The following TRAK2 variants were observed in gnomAD, a reference collection of about 807,000 sequenced individuals.
TRAK2 encodes trafficking kinesin protein 2.
TRAK2 carries 81 observed loss-of-function variants against 104.6 expected under a neutral mutation model. That is an observed-to-expected ratio of 0.77 (90% CI 0.65 to 0.93). The LOEUF (loss-of-function observed/expected upper bound fraction) is 0.93, where lower values mean the gene tolerates loss of function less well. Among genes scored for constraint, TRAK2 ranks in the 40% least tolerant of loss-of-function variants. TRAK2 has a pLI of 0.00. For synonymous variants in TRAK2, 406 were observed against 394.4 expected, an observed-to-expected ratio of 1.03 and a Z score of -0.35; for missense variants, 1,002 against 1,089.0, an observed-to-expected ratio of 0.92 and a Z score of 1.12.
intron 1 of TRAK2, among the ~76,000 whole-genome samples, chr2:201,421,919 G>A (rs968509904): frequency 1.3e-5 from 2 of 151,826 alleles, no homozygotes; most frequent in East Asian, 1.9e-4. Context: ...TGTGGTGGCA[G>A]GTGCCTGTAA....
At chr2:201,413,507 C>T (rs2125651941) in intron 2 of TRAK2, among the ~76,000 whole-genome samples, 1 of 152,142 alleles carries the variant, frequency 6.6e-6, no homozygotes, top group East Asian at 1.9e-4. Context: ...ACTGAAAGAC[C>T]TATTGTCAGC....
At chr2:201,416,472 T>C (rs979204544) in intron 2 of TRAK2, among the ~76,000 whole-genome samples, 24 of 152,018 alleles carry the variant, frequency 1.6e-4, no homozygotes, top group Admixed American at 1.4e-3. Flanking sequence ...AGCTAACCCA[T>C]ATCCCAGGAA....
chr2:201,414,913 A>C (rs1022106407), intron 2 of TRAK2, among the ~76,000 whole-genome samples: 3 of 42,926 alleles, frequency 7.0e-5, no homozygotes, highest in Admixed American at 4.7e-4. Flanking sequence ...CTAGACTAGA[A>C]TAATTCCCTA....
At chr2:201,409,862 C>T (rs1478492984) in intron 2 of TRAK2, among the ~76,000 whole-genome samples, 1 of 152,180 alleles carries the variant, frequency 6.6e-6, no homozygotes, top group Non-Finnish European at 1.5e-5. Flanking sequence ...AATAGATGAG[C>T]TTGCAATGAC....
At chr2:201,433,301 C>G (rs776855446) in intron 1 of TRAK2, among the ~76,000 whole-genome samples, 5 of 152,224 alleles carry the variant, frequency 3.3e-5, no homozygotes, top group Non-Finnish European at 4.4e-5. Context: ...GAAAGCTACA[C>G]TGGCTACATT....
chr2:201,415,889 AC>A (rs545390875), intron 2 of TRAK2, among the ~76,000 whole-genome samples: 122 of 152,262 alleles, frequency 8.0e-4, no homozygotes, highest in African/African-American at 2.8e-3. Context: ...TACAAAGAAA[AC>A]CACATCAAAG....
intron 1 of TRAK2, among the ~76,000 whole-genome samples, chr2:201,426,225 C>T (rs189913150): frequency 2.8e-3 from 432 of 152,206 alleles, no homozygotes; most frequent in Middle Eastern, 0.01. Flanking sequence ...GTCAGATCAG[C>T]GGCAGCATTA....
chr2:201,435,301 G>C (rs1490460363), intron 1 of TRAK2, among the ~76,000 whole-genome samples: 1 of 152,150 alleles, frequency 6.6e-6, no homozygotes, highest in Non-Finnish European at 1.5e-5. Context: ...CAAGTGATCT[G>C]CCTGCCTTGG....
chr2:201,439,736 A>G (rs1247609014), intron 1 of TRAK2, among the ~76,000 whole-genome samples: 1 of 151,772 alleles, frequency 6.6e-6, no homozygotes, highest in Non-Finnish European at 1.5e-5. Context: ...CATATACACC[A>G]TGGAATACTA....
Position 201,389,606 on chromosome 2 carries a change from G to T in TRAK2, c.1194-103C>A, listed in dbSNP as rs1450135377. 3.4e-6 allele frequency: 4 copies of T among 1,178,382 alleles called. No individual in the cohort carries two copies. The African/African-American group carries it at 4.6e-5, about 13-fold the overall frequency. 73.0% of individuals were successfully genotyped at this position (1,178,382 alleles called of 1,614,324 possible). A position where few individuals can be genotyped will look rare whatever the true frequency, so the allele number is the denominator to read the frequency against. On this transcript the variant is annotated intron_variant, in intron 11 of 15. Coordinates refer to ENST00000332624, the MANE Select transcript of TRAK2 (RefSeq NM_015049.3). The stretch of plus-strand genomic sequence containing the variant: ...ATCAGAAATAAAGCCACCCTGAGGA[G>T]CTATTTAGGAGAAATCATCAGAAAA...
At chr2:201,406,401 T>C (rs10931945) in intron 3 of TRAK2, among the ~76,000 whole-genome samples, 66,896 of 151,972 alleles carry the variant, frequency 0.44, 15,935 homozygotes, top group South Asian at 0.66. Flanking sequence ...ACTGGGCTTC[T>C]TGATATTTCA....
At chr2:201,392,148 A>G (rs1951453996) in intron 10 of TRAK2, among the ~76,000 whole-genome samples, 1 of 152,228 alleles carries the variant, frequency 6.6e-6, no homozygotes, top group African/African-American at 2.4e-5. Context: ...AAAGAGAAAG[A>G]GAGATTGAAT....
intron 1 of TRAK2, among the ~76,000 whole-genome samples, chr2:201,445,119 T>C (rs1480746875): frequency 6.6e-6 from 1 of 152,198 alleles, no homozygotes; most frequent in Non-Finnish European, 1.5e-5. Flanking sequence ...CCAGCAGACT[T>C]TGTACGCTCA....
chr2:201,445,479 G>A (rs2125664476), intron 1 of TRAK2, among the ~76,000 whole-genome samples: 1 of 152,316 alleles, frequency 6.6e-6, no homozygotes, highest in South Asian at 2.1e-4. Context: ...AATATCCAAT[G>A]AGCTAAGAAA....
At chr2:201,411,333 T>C (rs1951645038) in intron 2 of TRAK2, 1 of 755,604 alleles carries the variant, frequency 1.3e-6, no homozygotes, top group South Asian at 1.3e-5. Flanking sequence ...CTGAAACCCA[T>C]CCTCTTTATT....
In TRAK2 at chr2:201,381,218, G is replaced by C. The variant is rs1386248033; in HGVS notation, c.2070C>G (p.Ser690Arg). 1 of 1,511,828 alleles carries C rather than the reference G, an allele frequency of 6.6e-7. No homozygotes were observed. Among genetic ancestry groups the C allele is most frequent in the East Asian group, 2.4e-5 (1 of 42,542 alleles). 93.7% of individuals were successfully genotyped at this position (1,511,828 alleles called of 1,614,324 possible). ...CACAGGATAATGAAGGGAACCCAGA[G>C]CTTAAAAAAAAAAAAAAAAAGTGGG... Reference protein sequence around the residue: ...HPSDITQVTPSSGFPSLSCGS... With the variant: ...HPSDITQVTPRSGFPSLSCGS... The change falls in exon 16 of 16, where the codon AGC becomes AGG. Residue 690 changes from serine (S) to arginine (R), a missense_variant and splice_region_variant. Ser to Arg is a moderately radical substitution (Grantham distance 110, BLOSUM62 -1). Transcript: ENST00000332624.
Position 201,389,347 on chromosome 2 carries a change from C to G in TRAK2, c.1350G>C (p.Glu450Asp). ...KPFESGLQQT[E>D]DKSLLNQGSS... ...TCCCCTGGTTCAGGAGTGATTTGTC[C>G]TCTGTTTGCTGAAGACCAGACTCAA... The change falls in exon 12 of 16, where the codon GAG becomes GAC. Residue 450 changes from glutamate (E) to aspartate (D), a missense_variant. Transcript: ENST00000332624. The G allele has an allele frequency of 6.2e-7, 1 of 1,614,134 alleles. No homozygotes were observed. Among genetic ancestry groups the G allele is most frequent in the Non-Finnish European group, 8.5e-7 (1 of 1,180,030 alleles).
At chr2:201,383,974 A>G in intron 15 of TRAK2, 137 bp downstream of exon 15, 1 of 646,288 alleles carries the variant, frequency 1.5e-6, no homozygotes, top group Non-Finnish European at 2.7e-6. Flanking sequence ...ATGCAATGTG[A>G]AAATATTCTA....
chr2:201,443,231 T>C (rs1339845393), intron 1 of TRAK2, among the ~76,000 whole-genome samples: 1 of 152,188 alleles, frequency 6.6e-6, no homozygotes, highest in Non-Finnish European at 1.5e-5. Flanking sequence ...CCTGATTTCA[T>C]CCTAAACCAC....
Sources: gnomAD v4.1 joint callset for allele counts (sites outside exome capture counted in the v4.1 genomes callset) on GRCh38, gnomAD v4.1.1 for gene constraint, MANE v1.5 for transcripts, NCBI Gene and HGNC (gene_info 2026-07-23, HGNC 2026-07-21) for gene names.